OLFM1: variants seen among roughly 807,000 people sequenced by gnomAD.
OLFM1 encodes the protein noelin.
In OLFM1, 9 loss-of-function variants were observed where a neutral mutation model predicts 49.7. The ratio of observed to expected loss-of-function variants is 0.18; its 90% CI spans 0.11 to 0.32. The LOEUF is 0.32. Among genes scored for constraint, OLFM1 ranks in the 10% least tolerant of loss-of-function variants. The pLI is 1.00. For missense variants in OLFM1, 369 were observed against 661.8 expected, an observed-to-expected ratio of 0.56 and a Z score of 4.85; for synonymous variants, 240 against 271.8, an observed-to-expected ratio of 0.88 and a Z score of 1.15.
At chr9:135,110,551 A>G (rs1433175948) in intron 5 of OLFM1, among the ~76,000 whole-genome samples, 1 of 152,144 alleles carries the variant, frequency 6.6e-6, no homozygotes, top group Non-Finnish European at 1.5e-5. Context: ...CTTTTTTTCC[A>G]GAAGGTGGAA....
At chr9:135,091,485 A>G (rs1380227847) in intron 2 of OLFM1, among the ~76,000 whole-genome samples, 1 of 149,716 alleles carries the variant, frequency 6.7e-6, no homozygotes, top group East Asian at 2.0e-4. Context: ...ACATTCACAC[A>G]TAGTCACACA....
At chr9:135,083,036 A>G (rs537756782), upstream of OLFM1, among the ~76,000 whole-genome samples, 3 of 152,258 alleles carry the variant, frequency 2.0e-5, no homozygotes, top group East Asian at 5.8e-4. Context: ...TGACTCTTTG[A>G]TGTTTCTCAT....
In OLFM1 at chr9:135,076,862, G is replaced by A. The variant is rs1201180842; in HGVS notation, c.96+1060G>A. ...AGATGGGAGGGCCAGAGAGCGAGAG[G>A]AAGACCACAGGAGAGAAGACACTGA... On this transcript the variant is annotated intron_variant, in intron 1 of 5. Transcript: ENST00000252854. 6.4e-6 allele frequency: 10 copies of A among 1,550,428 alleles called. No homozygotes were observed. The Admixed American group carries it at 2.0e-4, about 30-fold the overall frequency.
Position 135,088,218 on chromosome 9 carries a change from T to C in OLFM1, c.150+79T>C. 8.4e-7 allele frequency: 1 copy of C among 1,184,286 alleles called. No homozygotes were observed. The highest frequency in any genetic ancestry group is 1.1e-6 in the Non-Finnish European group (1 of 947,710). 73.4% of individuals were successfully genotyped at this position (1,184,286 alleles called of 1,614,324 possible). A position where few individuals can be genotyped will look rare whatever the true frequency, so the allele number is the denominator to read the frequency against. On this transcript the variant is annotated intron_variant, in intron 1 of 5. Coordinates refer to ENST00000371793, the MANE Select transcript of OLFM1 (RefSeq NM_001282611.2). This position sits in a 1 kb window ranked among gnomAD's most constrained non-coding sequence, Gnocchi z 4.8. Reference sequence around the variant, plus strand: ...CCCTCCTCGGTCCGGAGCCCCGGGCTGGGCGGGCGCCGCGCGGGACCCGAG... The same window carrying C: ...CCCTCCTCGGTCCGGAGCCCCGGGCCGGGCGGGCGCCGCGCGGGACCCGAG...
chr9:135,098,129 T>C lies in OLFM1; in HGVS notation c.457-157T>C. ...ATATGCTGGTGTTCTGAGGACTGTT[T>C]AATATGCTCTTCTAACTCATTTGGA... On this transcript the variant is annotated intron_variant, in intron 3 of 5. Coordinates refer to ENST00000371793, the MANE Select transcript of OLFM1 (RefSeq NM_001282611.2). This position sits in a 1 kb window ranked among gnomAD's most constrained non-coding sequence, Gnocchi z 5.6. 1 of 1,437,854 alleles carries C rather than the reference T, an allele frequency of 7.0e-7. No homozygotes were observed. Among genetic ancestry groups the C allele is most frequent in the Non-Finnish European group, 9.1e-7 (1 of 1,100,350 alleles). The allele number at this position is 1,437,854 out of a possible 1,614,324, so 89.1% of individuals were successfully genotyped here. A position where few individuals can be genotyped will look rare whatever the true frequency, so the allele number is the denominator to read the frequency against.
chr9:135,075,949 CAGGGCGCT>C, intron 1 of OLFM1: 1 of 1,403,466 alleles, frequency 7.1e-7, no homozygotes, highest in South Asian at 1.6e-5. Flanking sequence ...GGGAGGGGGC[CAGGGCGCT>C]AGGCTGGACC....
At chr9:135,091,609 T>TCACACA (rs1247865038) in intron 2 of OLFM1, among the ~76,000 whole-genome samples, 1 of 74,356 alleles carries the variant, frequency 1.3e-5, no homozygotes, top group African/African-American at 5.7e-5. Context: ...TCACACATAG[T>TCACACA]CACACAGTCA....
chr9:135,116,353 G>A (rs1030442946), intron 5 of OLFM1, among the ~76,000 whole-genome samples: 4 of 152,222 alleles, frequency 2.6e-5, no homozygotes, highest in East Asian at 1.9e-4. Flanking sequence ...CCTGTGCACC[G>A]TGTGCCGATT....
chr9:135,120,650 T>C lies in OLFM1; in HGVS notation c.*472T>C, dbSNP rs538217098. On this transcript the variant is annotated 3_prime_UTR_variant, in exon 6 of 6. Coordinates refer to ENST00000371793, the MANE Select transcript of OLFM1 (RefSeq NM_001282611.2). ...CCATTGCAGTGCCGTTTCTTGACTG[T>C]GTTGCTGTCTCTTAGATTAACCGTG... The C allele has an allele frequency of 5.5e-6, 1 of 182,414 alleles. No individual in the cohort carries two copies. Among genetic ancestry groups the C allele is most frequent in the East Asian group, 1.6e-4 (1 of 6,384 alleles). 11.3% of individuals were successfully genotyped at this position (182,414 alleles called of 1,614,324 possible).
chr9:135,082,005 G>A (rs1830539356), intron 1 of OLFM1, among the ~76,000 whole-genome samples: 1 of 152,212 alleles, frequency 6.6e-6, no homozygotes, highest in Non-Finnish European at 1.5e-5. Flanking sequence ...AAGGTTTCCT[G>A]TCCCTGCTTC....
intron 1 of OLFM1, chr9:135,077,118 C>T (rs1588198777): frequency 3.2e-6 from 5 of 1,550,516 alleles, no homozygotes; most frequent in Non-Finnish European, 4.4e-6. Flanking sequence ...GGTGGTTGTG[C>T]ACTGTTGCTG....
At chr9:135,089,854 G>C (rs1450404244) in intron 1 of OLFM1, among the ~76,000 whole-genome samples, 2 of 152,188 alleles carry the variant, frequency 1.3e-5, no homozygotes, top group African/African-American at 4.8e-5. Context: ...TCCTAGTCCA[G>C]CCTGTGGCCT....
intron 5 of OLFM1, among the ~76,000 whole-genome samples, chr9:135,111,881 T>TC (rs1312954416): frequency 2.0e-5 from 3 of 151,800 alleles, no homozygotes; most frequent in Non-Finnish European, 4.4e-5. Context: ...GGCTATTTTT[T>TC]TTCTGTGTGT....
chr9:135,119,960 G>T lies in OLFM1; in HGVS notation c.1240G>T (p.Val414Phe). Residue 414 changes from valine (V) to phenylalanine (F), a missense_variant, in exon 6 of 6, where the codon GTC becomes TTC. Coordinates refer to ENST00000371793, the MANE Select transcript of OLFM1 (RefSeq NM_001282611.2). ...EAFIICGTLY[V>F]TNGYSGGTKV... ...CTTCATCATCTGCGGCACGCTGTACGTCACCAACGGCTACTCAGGGGGTAC... is the reference window on the plus strand; with the variant it reads ...CTTCATCATCTGCGGCACGCTGTACTTCACCAACGGCTACTCAGGGGGTAC... 6.2e-7 allele frequency: 1 copy of T among 1,613,650 alleles called. No individual in the cohort carries two copies.
chr9:135,081,582 A>T lies in OLFM1; in HGVS notation c.96+5780A>T, dbSNP rs665748. The stretch of plus-strand genomic sequence containing the variant: ...GGGATGCATCTAGGAGTGCCTGCCC[A>T]GCTGCCTCAGTTCTCTGGAGTGTAA... On this transcript the variant is annotated intron_variant, in intron 1 of 5. Coordinates refer to the OLFM1 transcript ENST00000252854. Among the ~76,000 whole-genome samples, 6 of 151,986 alleles carry T rather than the reference A, an allele frequency of 3.9e-5. No homozygotes were observed. The South Asian group carries it at 6.2e-4, about 16-fold the overall frequency.
chr9:135,091,796 C>CACTCACAT lies in OLFM1; in HGVS notation c.300+1453_300+1454insCTCACATA, dbSNP rs1564271094. Reference sequence around the variant, plus strand: ...ACACACACACTCACACATAGTCACACAGTCACACACACTCACATAGTCACA... The same window carrying CACTCACAT: ...ACACACACACTCACACATAGTCACACACTCACATAGTCACACACACTCACATAGTCACA... On this transcript the variant is annotated intron_variant, in intron 2 of 5. Coordinates refer to ENST00000371793, the MANE Select transcript of OLFM1 (RefSeq NM_001282611.2). 8.6e-4 allele frequency among the ~76,000 whole-genome samples: 129 copies of CACTCACAT among 149,848 alleles called. 1 individual carries two copies. Among genetic ancestry groups the CACTCACAT allele is most frequent in the African/African-American group, 3.0e-3 (119 of 40,192 alleles).
intron 5 of OLFM1, among the ~76,000 whole-genome samples, chr9:135,107,603 C>T (rs1372712304): frequency 6.6e-6 from 1 of 152,168 alleles, no homozygotes; most frequent in African/African-American, 2.4e-5. Flanking sequence ...CCTCTGAAGG[C>T]TCTCGATGGG....
chr9:135,111,310 G>T (rs1474383868), intron 5 of OLFM1, among the ~76,000 whole-genome samples: 3 of 152,244 alleles, frequency 2.0e-5, no homozygotes, highest in Non-Finnish European at 4.4e-5. Flanking sequence ...ATTTGGGCAG[G>T]AACTTGGGGC....
chr9:135,077,484 T>A, intron 1 of OLFM1: 1 of 417,450 alleles, frequency 2.4e-6, no homozygotes, highest in Non-Finnish European at 4.1e-6. Context: ...GTGGTGAAAG[T>A]ATTTGTCCAT....
Sources: gnomAD v4.1 joint callset for allele counts (sites outside exome capture counted in the v4.1 genomes callset) on GRCh38, gnomAD v4.1.1 for gene constraint, Gnocchi (gnomAD v3.1) non-coding constraint, MANE v1.5 for transcripts, NCBI Gene and HGNC (gene_info 2026-07-23, HGNC 2026-07-21) for gene names.